The following FGD5 variants were observed in gnomAD, a reference collection of about 807,000 sequenced individuals.
FGD5 encodes FYVE, RhoGEF and PH domain containing 5.
A neutral mutation model predicts 133.4 loss-of-function variants in FGD5; 28 were observed. The ratio of observed to expected loss-of-function variants is 0.21; its 90% CI spans 0.16 to 0.29. FGD5 has a LOEUF of 0.29. Ranked by LOEUF, FGD5 falls within the 10% of genes least tolerant of loss-of-function variation. The pLI, the probability that FGD5 is intolerant of heterozygous loss-of-function variation, is 1.00. For missense variants in FGD5, 1,858 were observed against 1,895.2 expected (o/e 0.98, Z 0.36); for synonymous variants, 810 against 776.5 (o/e 1.04, Z -0.72).
intron 11 of FGD5, among the ~76,000 whole-genome samples, chr3:14,913,015 G>A (rs988829610): frequency 2.6e-5 from 4 of 152,088 alleles, no homozygotes; most frequent in Non-Finnish European, 4.4e-5. Flanking sequence ...CAGCCTGGGC[G>A]ACAGAGTGAG....
chr3:14,851,187 G>A (rs1303637734), intron 1 of FGD5, among the ~76,000 whole-genome samples: 2 of 152,070 alleles, frequency 1.3e-5, no homozygotes, highest in African/African-American at 4.8e-5. Flanking sequence ...ACGGACTCTA[G>A]TAACATAAAA....
intron 11 of FGD5, 122 bp downstream of exon 11, chr3:14,911,051 G>A: frequency 1.1e-6 from 1 of 919,534 alleles, no homozygotes; most frequent in South Asian, 1.6e-5. Context: ...AGACATTTGG[G>A]GGTGAGGATC....
intron 1 of FGD5, among the ~76,000 whole-genome samples, chr3:14,853,636 CTTTTTTTTTTTTTTTTTTT>C (rs34008934): frequency 2.7e-5 from 1 of 37,094 alleles, no homozygotes; most frequent in African/African-American, 1.2e-4. Flanking sequence ...AAAAGCGTTC[CTTTTTTTTTTTTTTTTTTT>C]TTTTTTTTTT....
chr3:14,846,134 C>T (rs2037046907), intron 1 of FGD5, among the ~76,000 whole-genome samples: 1 of 152,176 alleles, frequency 6.6e-6, no homozygotes, highest in African/African-American at 2.4e-5. Context: ...TAGGGGCACA[C>T]CTGTCGTGTT....
chr3:14,914,154 G>A (rs2038505280), intron 11 of FGD5, among the ~76,000 whole-genome samples: 1 of 152,228 alleles, frequency 6.6e-6, no homozygotes, highest in African/African-American at 2.4e-5. Flanking sequence ...GGCCCGACAG[G>A]TGCTCAAGCC....
At chr3:14,892,181 T>C (rs952832754) in intron 4 of FGD5, among the ~76,000 whole-genome samples, 8 of 151,968 alleles carry the variant, frequency 5.3e-5, no homozygotes, top group Non-Finnish European at 1.2e-4. Flanking sequence ...TCAATCCTTA[T>C]ATACAAAAGA....
At chr3:14,828,459 A>AG (rs2036643450) in intron 1 of FGD5, among the ~76,000 whole-genome samples, 2 of 152,230 alleles carry the variant, frequency 1.3e-5, no homozygotes, top group South Asian at 4.1e-4. Context: ...ATCTGCAGAC[A>AG]GGGAGGAGGA....
At position 14,864,278 on chromosome 3, in the gene FGD5, T is replaced by C; in HGVS notation, c.2658+18T>C. The C allele has an allele frequency of 1.2e-6, 2 of 1,613,728 alleles. No homozygotes were observed. The highest frequency in any genetic ancestry group is 8.5e-7 in the Non-Finnish European group (1 of 1,179,740). ...CCCACAAGGTAGGGCACCCCACAGG[T>C]AGGCCGTGGGCATCGGAGACGTGAG... is the stretch of plus-strand genomic sequence containing the variant. On this transcript the variant is annotated intron_variant, in intron 2 of 19. Transcript: ENST00000285046.
chr3:14,925,059 G>A (rs193022767), intron 17 of FGD5, among the ~76,000 whole-genome samples: 150 of 137,944 alleles, frequency 1.1e-3, no homozygotes, highest in Non-Finnish European at 2.0e-3. Context: ...CTGAGATGGC[G>A]CCACTGCACA....
chr3:14,834,735 GT>G (rs2036782416), intron 1 of FGD5, among the ~76,000 whole-genome samples: 1 of 152,132 alleles, frequency 6.6e-6, no homozygotes, highest in Non-Finnish European at 1.5e-5. Flanking sequence ...TTCATTTTTT[GT>G]TCTGTAGAGG....
At chr3:14,876,140 T>G (rs184428150) in intron 2 of FGD5, among the ~76,000 whole-genome samples, 1 of 152,290 alleles carries the variant, frequency 6.6e-6, no homozygotes, top group African/African-American at 2.4e-5. Flanking sequence ...AAGGATTGTG[T>G]GGACCCTGGG....
At chr3:14,860,157 G>A (rs1481183224) in intron 1 of FGD5, among the ~76,000 whole-genome samples, 2 of 152,212 alleles carry the variant, frequency 1.3e-5, no homozygotes, top group East Asian at 3.8e-4. Context: ...GCTTTTGGCA[G>A]GGGATGAGGC....
chr3:14,812,031 T>TGC (rs2036303245), intron 1 of FGD5, among the ~76,000 whole-genome samples: 1 of 104,638 alleles, frequency 9.6e-6, no homozygotes, highest in Admixed American at 1.0e-4. Flanking sequence ...TGTGTGTGTG[T>TGC]ATGTATGTGT....
At chr3:14,898,710 AG>A (rs2038182949) in intron 6 of FGD5, 28 bp from the exon 7 acceptor site, 1 of 1,553,668 alleles carries the variant, frequency 6.4e-7, no homozygotes, top group Admixed American at 1.9e-5. Context: ...GTTTCTGATA[AG>A]GTTTTTCCTT....
chr3:14,915,462 G>A (rs1220238890), intron 11 of FGD5, among the ~76,000 whole-genome samples: 1 of 152,192 alleles, frequency 6.6e-6, no homozygotes, highest in Non-Finnish European at 1.5e-5. Context: ...TAGAGGACTT[G>A]CCTTGGTTCA....
intron 1 of FGD5, among the ~76,000 whole-genome samples, chr3:14,854,767 G>A (rs1446362376): frequency 1.3e-5 from 2 of 152,032 alleles, no homozygotes; most frequent in African/African-American, 4.8e-5. Flanking sequence ...ATATTCATTA[G>A]GTCCATAGTG....
chr3:14,904,505 G>GGT (rs55744974), intron 9 of FGD5, among the ~76,000 whole-genome samples: 2 of 150,848 alleles, frequency 1.3e-5, no homozygotes, highest in Non-Finnish European at 3.0e-5. Flanking sequence ...TAGATTTCAG[G>GGT]GTGTGTGTGT....
At chr3:14,824,298 G>C (rs2036562271) in intron 1 of FGD5, among the ~76,000 whole-genome samples, 1 of 152,214 alleles carries the variant, frequency 6.6e-6, no homozygotes, top group East Asian at 1.9e-4. Context: ...CTGCCGTGGG[G>C]CTGGGGGACC....
intron 10 of FGD5, among the ~76,000 whole-genome samples, chr3:14,909,226 G>A (rs772123740): frequency 3.2e-4 from 48 of 151,982 alleles, no homozygotes; most frequent in Non-Finnish European, 4.3e-4. Flanking sequence ...CCTCAGCCTC[G>A]CAAAGTGCTG....
Sources: allele counts gnomAD v4.1 joint callset (sites outside exome capture counted in the v4.1 genomes callset), GRCh38; gene constraint gnomAD v4.1.1; transcripts MANE v1.5; gene names NCBI Gene and HGNC (gene_info 2026-07-23, HGNC 2026-07-21).